Variants in TBCK observed in about 807,000 individuals in gnomAD.
TBCK encodes the protein TBC domain-containing protein kinase-like protein.
A neutral mutation model predicts 113.4 loss-of-function variants in TBCK; 99 were observed. The ratio of observed to expected loss-of-function variants is 0.87; its 90% CI spans 0.74 to 1.03. The LOEUF (loss-of-function observed/expected upper bound fraction) is 1.03. Ranked by LOEUF, TBCK falls within the 50% of genes least tolerant of loss-of-function variation. TBCK has a pLI of 0.00. For missense variants in TBCK, 1,045 were observed against 1,061.3 expected, an observed-to-expected ratio of 0.98 and a Z score of 0.21; for synonymous variants, 369 against 370.8, an observed-to-expected ratio of 1.00 and a Z score of 0.05.
Position 106,138,375 on chromosome 4 carries a change from T to C in TBCK, c.2236-21997A>G, listed in dbSNP as rs769725353. On this transcript the variant is annotated intron_variant, in intron 23 of 25. Coordinates refer to ENST00000394708, the MANE Select transcript of TBCK (RefSeq NM_001163435.3). ...AAAAGGTCCCAAAACTCTTGCTTAC[T>C]TTCTGAGACAAAAGTTAAAAACCAA... 9.2e-5 allele frequency among the ~76,000 whole-genome samples: 13 copies of C among 141,398 alleles called. 3 individuals carry two copies. The highest frequency in any genetic ancestry group is 1.4e-4 in the Non-Finnish European group (9 of 62,284). The allele number at this position is 141,398 out of a possible 152,430, so 92.8% of individuals were successfully genotyped here.
At chr4:106,247,349 G>A in intron 9 of TBCK, 62 bp from the exon 10 acceptor site, 2 of 1,498,486 alleles carry the variant, frequency 1.3e-6, no homozygotes, top group Admixed American at 1.8e-5. Flanking sequence ...TAGAATAATG[G>A]CATACATTCA....
chr4:106,273,696 G>A (rs1366208501), intron 3 of TBCK, among the ~76,000 whole-genome samples: 1 of 152,230 alleles, frequency 6.6e-6, no homozygotes, highest in African/African-American at 2.4e-5. Context: ...AGATTGAAGT[G>A]ATGTGGCCAC....
intron 25 of TBCK, among the ~76,000 whole-genome samples, chr4:106,087,003 T>C (rs1022008813): frequency 3.9e-5 from 6 of 152,200 alleles, no homozygotes. Flanking sequence ...GCTGGAAGCA[T>C]TCCCTTTAAA....
In TBCK at chr4:106,290,752, C is replaced by T. The variant is rs750575094; in HGVS notation, c.266+4342G>A. 4.8e-4 allele frequency among the ~76,000 whole-genome samples: 73 copies of T among 152,170 alleles called. 1 individual carries two copies. Among genetic ancestry groups the T allele is most frequent in the Non-Finnish European group, 1.2e-4 (8 of 68,036 alleles). On this transcript the variant is annotated intron_variant, in intron 3 of 25. Transcript: ENST00000394708. ...AGCAGGCAAGCCAGCAAAGCTCCAT[C>T]TGTATTTACAGTTGCTCCCCATCGC...
chr4:106,055,087 C>A (rs1215707235), intron 25 of TBCK, among the ~76,000 whole-genome samples: 2 of 151,602 alleles, frequency 1.3e-5, no homozygotes, highest in Non-Finnish European at 3.0e-5. Flanking sequence ...TTCATTTCCA[C>A]AGTTAAGGAA....
intron 20 of TBCK, among the ~76,000 whole-genome samples, chr4:106,204,608 T>C (rs995382016): frequency 1.3e-5 from 2 of 152,086 alleles, no homozygotes; most frequent in African/African-American, 4.8e-5. Flanking sequence ...ATTTGTGAAA[T>C]AAAATGGAAG....
At chr4:106,127,357 T>C (rs1314356274) in intron 23 of TBCK, among the ~76,000 whole-genome samples, 2 of 152,074 alleles carry the variant, frequency 1.3e-5, no homozygotes, top group Non-Finnish European at 2.9e-5. Context: ...GTGTTGACAT[T>C]TTGGGGTAAA....
At chr4:106,050,089 C>T (rs1451278041) in intron 25 of TBCK, among the ~76,000 whole-genome samples, 1 of 151,918 alleles carries the variant, frequency 6.6e-6, no homozygotes, top group Non-Finnish European at 1.5e-5. Flanking sequence ...TGAACTTTAT[C>T]AGACATAGTA....
rs560133165 is a variant in TBCK, at chr4:106,133,090, T to C, written c.2236-16712A>G. 5.6e-4 allele frequency among the ~76,000 whole-genome samples: 85 copies of C among 152,240 alleles called. No homozygotes were observed. The Middle Eastern group carries it at 0.017, about 30-fold the overall frequency. ...TGAGAAGGCATGATTGGTTTTGAAA[T>C]GTGAGGACATGAGATTTGGGAGGGG... On this transcript the variant is annotated intron_variant, in intron 23 of 25. Coordinates refer to ENST00000394708, the MANE Select transcript of TBCK (RefSeq NM_001163435.3).
chr4:106,108,411 G>C (rs1742432712), intron 24 of TBCK, among the ~76,000 whole-genome samples: 1 of 152,124 alleles, frequency 6.6e-6, no homozygotes, highest in African/African-American at 2.4e-5. Flanking sequence ...GCTTCACCAT[G>C]ATCAAGTAGG....
At chr4:106,306,968 A>AT (rs1193381015) in intron 2 of TBCK, among the ~76,000 whole-genome samples, 2 of 151,676 alleles carry the variant, frequency 1.3e-5, no homozygotes, top group East Asian at 3.9e-4. Context: ...GAAAAAACAA[A>AT]TTTTTTTTTA....
chr4:106,173,598 C>T (rs1048085752), intron 22 of TBCK, among the ~76,000 whole-genome samples: 3 of 152,030 alleles, frequency 2.0e-5, no homozygotes, highest in African/African-American at 7.2e-5. Context: ...TTATCTGCTT[C>T]CAAGACATCC....
At chr4:106,284,171 C>T (rs1764898521) in intron 3 of TBCK, among the ~76,000 whole-genome samples, 3 of 152,020 alleles carry the variant, frequency 2.0e-5, no homozygotes, top group Admixed American at 2.0e-4. Flanking sequence ...ACTTCACTAC[C>T]ATAATTTCAA....
chr4:106,206,494 G>A (rs539452003), intron 20 of TBCK, among the ~76,000 whole-genome samples: 11 of 152,266 alleles, frequency 7.2e-5, no homozygotes, highest in Admixed American at 6.5e-4. Context: ...TTGTACTAAT[G>A]TTGGGGACAT....
chr4:106,289,531 G>C (rs1203880470), intron 3 of TBCK, among the ~76,000 whole-genome samples: 3 of 152,062 alleles, frequency 2.0e-5, no homozygotes, highest in Non-Finnish European at 4.4e-5. Flanking sequence ...AGCACTTTGA[G>C]AGGCTGAGGC....
chr4:106,080,719 C>A (rs1738749642), intron 25 of TBCK, among the ~76,000 whole-genome samples: 1 of 152,104 alleles, frequency 6.6e-6, no homozygotes, highest in Non-Finnish European at 1.5e-5. Flanking sequence ...ATTTAAATAT[C>A]ATCAGAGTGT....
intron 22 of TBCK, among the ~76,000 whole-genome samples, chr4:106,177,552 TAC>T (rs899895192): frequency 3.3e-5 from 5 of 151,960 alleles, no homozygotes; most frequent in African/African-American, 1.2e-4. Context: ...CATATGGAGA[TAC>T]AGTTTTCCCA....
At chr4:106,230,271 G>T (rs1579325669) in intron 19 of TBCK, 92 bp downstream of exon 19, 1 of 703,638 alleles carries the variant, frequency 1.4e-6, no homozygotes, top group Non-Finnish European at 2.2e-6. Context: ...CGTATTTTTG[G>T]GGTCAAAATC....
intron 2 of TBCK, among the ~76,000 whole-genome samples, chr4:106,299,531 A>G (rs1766695621): frequency 6.6e-6 from 1 of 152,196 alleles, no homozygotes; most frequent in Non-Finnish European, 1.5e-5. Flanking sequence ...AAGCTTCAAG[A>G]TTCTATGGAA....
Sources: gnomAD v4.1 joint callset for allele counts (sites outside exome capture counted in the v4.1 genomes callset) on GRCh38, gnomAD v4.1.1 for gene constraint, MANE v1.5 for transcripts, NCBI Gene and HGNC (gene_info 2026-07-23, HGNC 2026-07-21) for gene names.